SLC1A4: variants seen among roughly 807,000 people sequenced by gnomAD.
SLC1A4 encodes the protein neutral amino acid transporter A.
Under a neutral mutation model 37.7 loss-of-function variants are expected in SLC1A4, and 19 were observed. The observed-to-expected ratio is 0.50, with a 90% confidence interval of 0.35 to 0.74. The LOEUF (loss-of-function observed/expected upper bound fraction) is 0.74. Among genes scored for constraint, SLC1A4 ranks in the 30% least tolerant of loss-of-function variants. SLC1A4 has a pLI of 0.01. For synonymous variants in SLC1A4, 299 were observed against 309.8 expected, an observed-to-expected ratio of 0.97 and a Z score of 0.37; for missense variants, 570 against 712.9, an observed-to-expected ratio of 0.80 and a Z score of 2.28.
At chr2:65,003,903 G>A (rs766015979) in intron 2 of SLC1A4, 50 bp from the exon 3 acceptor site, 92 of 1,429,518 alleles carry the variant, frequency 6.4e-5, no homozygotes, top group East Asian at 2.7e-4. Context: ...CCTCTAGGTC[G>A]GTCTTCACCT....
rs563632353 is a variant in SLC1A4, at chr2:64,994,807, C to T, written c.527+4637C>T. On this transcript the variant is annotated intron_variant, in intron 1 of 7. Transcript: ENST00000234256. ...CAATAGAGGAGACGAGCGTGGCCTC[C>T]GTGCAAGGATGACACACAACGTGAT... The T allele has an allele frequency of 1.1e-4, 16 of 152,116 alleles. 1 individual carries two copies. The South Asian group carries it at 3.1e-3, about 30-fold the overall frequency. 9.4% of individuals were successfully genotyped at this position (152,116 alleles called of 1,614,324 possible).
chr2:64,998,319 G>T (rs957405849), intron 1 of SLC1A4, among the ~76,000 whole-genome samples: 2 of 151,622 alleles, frequency 1.3e-5, no homozygotes, highest in Non-Finnish European at 2.9e-5. Context: ...TATTCGGGAA[G>T]CTGAGGCAGG....
At chr2:65,009,863 G>A (rs1673845151) in intron 3 of SLC1A4, among the ~76,000 whole-genome samples, 1 of 152,170 alleles carries the variant, frequency 6.6e-6, no homozygotes, top group South Asian at 2.1e-4. Context: ...GTCACTGTAA[G>A]AGCCTCACAA....
intron 4 of SLC1A4, among the ~76,000 whole-genome samples, chr2:65,013,513 C>T (rs9808015): frequency 0.019 from 2,940 of 152,270 alleles, 99 homozygotes; most frequent in African/African-American, 0.067. Context: ...TGAGCCATAG[C>T]GCCCGGCCGG....
chr2:65,015,840 C>G (rs1471278051), intron 4 of SLC1A4, among the ~76,000 whole-genome samples: 3 of 152,314 alleles, frequency 2.0e-5, no homozygotes, highest in East Asian at 3.9e-4. Flanking sequence ...GACTTTTGTT[C>G]TTTGTAGCTC....
At chr2:64,989,330 G>T (rs564036312), upstream of SLC1A4, 14 of 241,716 alleles carry the variant, frequency 5.8e-5, no homozygotes, top group African/African-American at 9.0e-5. Flanking sequence ...TGAAGTGAGC[G>T]GGCTGGGGCC....
intron 1 of SLC1A4, among the ~76,000 whole-genome samples, chr2:64,995,041 A>T (rs187911264): frequency 3.8e-4 from 58 of 152,258 alleles, no homozygotes; most frequent in African/African-American, 1.4e-3. Context: ...GTCTCAGCCT[A>T]ACTAGTGATG....
At chr2:64,999,389 G>T (rs1231353052) in intron 1 of SLC1A4, 1 of 152,222 alleles carries the variant, frequency 6.6e-6, no homozygotes, top group Non-Finnish European at 1.5e-5. Context: ...GCCGTCCTGT[G>T]AGAGCACCCT....
At chr2:65,015,893 C>T (rs1007672534) in intron 4 of SLC1A4, among the ~76,000 whole-genome samples, 6 of 152,258 alleles carry the variant, frequency 3.9e-5, no homozygotes, top group African/African-American at 1.4e-4. Context: ...AAAACTCTCA[C>T]GCTCCAGGCG....
At chr2:64,991,281 T>G (rs1673039109) in intron 1 of SLC1A4, among the ~76,000 whole-genome samples, 1 of 147,382 alleles carries the variant, frequency 6.8e-6, no homozygotes, top group African/African-American at 2.5e-5. Context: ...ATTGTTCACT[T>G]AAAACAACAA....
intron 5 of SLC1A4, among the ~76,000 whole-genome samples, chr2:65,017,347 TAA>T (rs11343144): frequency 1.8e-5 from 2 of 111,286 alleles, no homozygotes; most frequent in Admixed American, 8.8e-5. Flanking sequence ...TGGAAAACCT[TAA>T]AAAAAAAAAA....
chr2:65,019,798 GAGA>G (rs763236727), intron 7 of SLC1A4, among the ~76,000 whole-genome samples: 5 of 152,180 alleles, frequency 3.3e-5, no homozygotes, highest in Admixed American at 6.5e-5. Context: ...CCTGTGCGTG[GAGA>G]AGAGGCATCA....
chr2:64,991,593 T>TGTTTGTTTG (rs1553370739), intron 1 of SLC1A4, among the ~76,000 whole-genome samples: 1 of 143,406 alleles, frequency 7.0e-6, no homozygotes, highest in African/African-American at 2.6e-5. Flanking sequence ...ACACCCAGCT[T>TGTTTGTTTG]TTTGTTTGTT....
In SLC1A4 at chr2:65,018,436, G is replaced by T; in HGVS notation, c.1230-109G>T. The T allele has an allele frequency of 6.7e-7, 1 of 1,489,980 alleles. No homozygotes were observed. Among genetic ancestry groups the T allele is most frequent in the South Asian group, 1.3e-5 (1 of 78,704 alleles). The allele number at this position is 1,489,980 out of a possible 1,614,324, so 92.3% of individuals were successfully genotyped here. A position where few individuals can be genotyped will look rare whatever the true frequency, so the allele number is the denominator to read the frequency against. On this transcript the variant is annotated intron_variant, in intron 6 of 7. Transcript: ENST00000234256. The surrounding 1 kb of genome is among the most constrained non-coding windows in gnomAD (Gnocchi z 4.3). ...CAAGGGCGTAGCCAGCAGAGCCTATGGTGGGGCGGTTTTTAGTTTCCAGCC... is the reference window on the plus strand; with the variant it reads ...CAAGGGCGTAGCCAGCAGAGCCTATTGTGGGGCGGTTTTTAGTTTCCAGCC...
chr2:65,014,939 T>C (rs1227133487), intron 4 of SLC1A4, among the ~76,000 whole-genome samples: 2 of 152,246 alleles, frequency 1.3e-5, no homozygotes, highest in Non-Finnish European at 2.9e-5. Context: ...CAAATGTCCA[T>C]CATTGGATGA....
intron 4 of SLC1A4, among the ~76,000 whole-genome samples, chr2:65,015,758 C>G (rs141425944): frequency 6.6e-6 from 1 of 152,130 alleles, no homozygotes; most frequent in Non-Finnish European, 1.5e-5. Flanking sequence ...TTATTACCTA[C>G]GCAATTAAAA....
In SLC1A4 at chr2:65,016,688, G is replaced by A. The variant is rs181030007; in HGVS notation, c.1034+15G>A. ...ACCTGCTCCAGGTGAGTGGGTTTTGGGTCTCTTCACTGCTCTGAGCCATGT... is the reference window on the plus strand; with the variant it reads ...ACCTGCTCCAGGTGAGTGGGTTTTGAGTCTCTTCACTGCTCTGAGCCATGT... On this transcript the variant is annotated intron_variant, in intron 5 of 7. Coordinates refer to ENST00000234256, the MANE Select transcript of SLC1A4 (RefSeq NM_003038.5). The A allele has an allele frequency of 1.7e-3, 2,644 of 1,570,396 alleles. 4 individuals are homozygous for A. The highest frequency in any genetic ancestry group is 2.0e-3 in the Non-Finnish European group (2,333 of 1,140,266).
chr2:64,990,370 A>C (rs1354247992), intron 1 of SLC1A4, among the ~76,000 whole-genome samples, 200 bp downstream of exon 1: 5 of 152,138 alleles, frequency 3.3e-5, no homozygotes, highest in Non-Finnish European at 4.4e-5. Context: ...GCTGGGGCGC[A>C]CCGCACAATC....
intron 1 of SLC1A4, among the ~76,000 whole-genome samples, chr2:64,993,060 G>T (rs1673121387): frequency 6.6e-6 from 1 of 152,230 alleles, no homozygotes; most frequent in Non-Finnish European, 1.5e-5. Context: ...TGGAAAGGCA[G>T]TGCCCCATTC....
Sources: allele counts gnomAD v4.1 joint callset (sites outside exome capture counted in the v4.1 genomes callset), GRCh38; gene constraint gnomAD v4.1.1; non-coding constraint Gnocchi (gnomAD v3.1); transcripts MANE v1.5; gene names NCBI Gene and HGNC (gene_info 2026-07-23, HGNC 2026-07-21).